PIGN: variants seen among roughly 807,000 people sequenced by gnomAD.
PIGN encodes the protein GPI ethanolamine phosphate transferase 1.
Under a neutral mutation model 125.4 loss-of-function variants are expected in PIGN, and 117 were observed. That is an observed-to-expected ratio of 0.93 (90% CI 0.80 to 1.09). The LOEUF (loss-of-function observed/expected upper bound fraction) is 1.09, where lower values mean the gene tolerates loss of function less well. Among genes scored for constraint, PIGN ranks in the 50% least tolerant of loss-of-function variants. The pLI, the probability that PIGN is intolerant of heterozygous loss-of-function variation, is 0.00. For missense variants in PIGN, 1,075 were observed against 1,094.9 expected (o/e 0.98, Z 0.26); for synonymous variants, 392 against 377.8 (o/e 1.04, Z -0.44).
intron 30 of PIGN, among the ~76,000 whole-genome samples, chr18:62,059,666 T>C (rs1449519786): frequency 6.6e-6 from 1 of 152,188 alleles, no homozygotes; most frequent in East Asian, 1.9e-4. Context: ...GAACAGATTG[T>C]GAACAGGTAG....
At chr18:62,023,964 A>C (rs750369823) in intron 23 of PIGN, among the ~76,000 whole-genome samples, 5 of 152,210 alleles carry the variant, frequency 3.3e-5, no homozygotes, top group Non-Finnish European at 5.9e-5. Context: ...TGTTGAGGGA[A>C]GGTGTTATTT....
rs767034636 is a variant in PIGN, at chr18:62,026,054, T to TA, written c.2143-8314dup. On this transcript the variant is annotated intron_variant, in intron 23 of 24. Transcript: ENST00000639600. ...TATTGGTGTCCCTCCTGAGCCTCCATAGCACCCGGGACACATTTATTTGTA... is the reference window on the plus strand; with the variant it reads ...TATTGGTGTCCCTCCTGAGCCTCCATAAGCACCCGGGACACATTTATTTGTA... 3.7e-4 allele frequency among the ~76,000 whole-genome samples: 56 copies of TA among 152,284 alleles called. No individual in the cohort carries two copies. In the Middle Eastern group the frequency reaches 0.014, roughly 37 times the overall value.
chr18:62,144,668 T>G (rs887362800), intron 10 of PIGN, among the ~76,000 whole-genome samples: 6 of 152,172 alleles, frequency 3.9e-5, no homozygotes, highest in African/African-American at 1.2e-4. Flanking sequence ...TGTATCCTGC[T>G]CCATAAGGGA....
At chr18:62,156,922 T>C (rs1303220201) in intron 6 of PIGN, among the ~76,000 whole-genome samples, 1 of 152,108 alleles carries the variant, frequency 6.6e-6, no homozygotes, top group African/African-American at 2.4e-5. Flanking sequence ...TCCAAAATAC[T>C]ATCTAACTGT....
chr18:62,182,304 C>G (rs941381811), intron 1 of PIGN, among the ~76,000 whole-genome samples: 8 of 146,204 alleles, frequency 5.5e-5, no homozygotes, highest in Non-Finnish European at 1.2e-4. Flanking sequence ...CTTTATAAAT[C>G]TACATGGACG....
intron 14 of PIGN, among the ~76,000 whole-genome samples, chr18:62,125,400 T>C (rs1488479992): frequency 6.6e-6 from 1 of 152,056 alleles, no homozygotes; most frequent in Non-Finnish European, 1.5e-5. Flanking sequence ...ACAGAACATT[T>C]AATGGTTGCA....
In PIGN at chr18:62,106,849, G is replaced by A. The variant is rs375845698; in HGVS notation, c.1707C>T (p.Thr569=). 1.8e-4 allele frequency: 297 copies of A among 1,609,362 alleles called. 1 individual carries two copies. The highest frequency in any genetic ancestry group is 3.3e-4 in the Middle Eastern group (2 of 6,060). Reference sequence around the variant, plus strand: ...AAGCTGCAAAGGCAGTAAGTCCAGCGGTAAGCATATAGCGGTAGAAAAAAC... The same window carrying A: ...AAGCTGCAAAGGCAGTAAGTCCAGCAGTAAGCATATAGCGGTAGAAAAAAC... ...VLSFFYRYML[T]AGLTAFAAWP... is the part of the protein sequence containing the mutation. Residue 569 remains threonine (T), a synonymous_variant, in exon 19 of 31, where the codon ACC becomes ACT. Transcript: ENST00000640252.
At chr18:62,137,244 G>C in intron 14 of PIGN, 1 of 406,528 alleles carries the variant, frequency 2.5e-6, no homozygotes, top group Admixed American at 4.4e-5. Context: ...TAGACTCTTG[G>C]ACTTACACCA....
downstream of PIGN, among the ~76,000 whole-genome samples, chr18:62,038,919 AAATAATAATAATAATAATAATAAT>A (rs10601031): frequency 6.9e-6 from 1 of 144,772 alleles, no homozygotes; most frequent in African/African-American, 2.6e-5. Context: ...CCCTGTCTCA[AAATAATAATAATAATAATAATAAT>A]AATAATAATA....
chr18:62,131,275 T>C (rs1180791962), intron 14 of PIGN, among the ~76,000 whole-genome samples: 1 of 152,144 alleles, frequency 6.6e-6, no homozygotes, highest in Non-Finnish European at 1.5e-5. Flanking sequence ...ACAAATATTT[T>C]TGCTTCTATT....
intron 16 of PIGN, 100 bp downstream of exon 16, chr18:62,113,034 G>C (rs1022736159): frequency 2.3e-5 from 19 of 842,842 alleles, no homozygotes; most frequent in Non-Finnish European, 3.1e-5. Context: ...ACAAGAGTTA[G>C]CTTAGAACAA....
At chr18:62,181,422 T>C (rs2037711653) in intron 1 of PIGN, among the ~76,000 whole-genome samples, 1 of 152,196 alleles carries the variant, frequency 6.6e-6, no homozygotes, top group South Asian at 2.1e-4. Context: ...TGTCATTACT[T>C]CATAAGAAAG....
intron 12 of PIGN, 32 bp from the exon 13 acceptor site, chr18:62,139,107 T>C (rs1459796148): frequency 1.5e-6 from 2 of 1,320,396 alleles, no homozygotes; most frequent in Admixed American, 1.8e-5. Context: ...TTATTGATAG[T>C]ATTCAGACAG....
intron 4 of PIGN, chr18:62,158,018 C>A (rs1466468911): frequency 4.2e-6 from 2 of 480,248 alleles, no homozygotes; most frequent in African/African-American, 3.9e-5. Context: ...TGATGTAAGA[C>A]CAAACAAAGA....
chr18:62,167,922 G>A lies in PIGN; in HGVS notation c.-235-4266C>T, dbSNP rs149002287. On this transcript the variant is annotated intron_variant, in intron 1 of 30. Transcript: ENST00000640252. Reference sequence around the variant, plus strand: ...ATTCTGATTAAGTTCAGCCAGGTGCGGTGGCTCACGCTTGCAATCCCAGCA... The same window carrying A: ...ATTCTGATTAAGTTCAGCCAGGTGCAGTGGCTCACGCTTGCAATCCCAGCA... Among the ~76,000 whole-genome samples, 119 of 152,026 alleles carry A rather than the reference G, an allele frequency of 7.8e-4. 1 individual carries two copies. Among genetic ancestry groups the A allele is most frequent in the African/African-American group, 2.7e-3 (114 of 41,482 alleles).
At chr18:62,073,951 A>G (rs2033033497) in intron 29 of PIGN, among the ~76,000 whole-genome samples, 1 of 152,210 alleles carries the variant, frequency 6.6e-6, no homozygotes, top group South Asian at 2.1e-4. Context: ...GCTTTGGGCC[A>G]TATTACCAGC....
intron 1 of PIGN, among the ~76,000 whole-genome samples, chr18:62,175,302 T>A (rs890575274): frequency 1.3e-5 from 2 of 151,756 alleles, no homozygotes; most frequent in African/African-American, 4.8e-5. Flanking sequence ...TCTAAAGTAA[T>A]TACATATTTT....
intron 14 of PIGN, chr18:62,136,940 C>T (rs1828821083): frequency 5.1e-6 from 2 of 393,482 alleles, no homozygotes; most frequent in African/African-American, 4.1e-5. Flanking sequence ...CAGCTCTCTT[C>T]TTTGCCTACT....
Position 62,157,670 on chromosome 18 carries a change from G to T in PIGN, c.343+17C>A, listed in dbSNP as rs778671915. 7.5e-6 allele frequency: 12 copies of T among 1,603,024 alleles called. No individual in the cohort carries two copies. The highest frequency in any genetic ancestry group is 1.0e-5 in the Non-Finnish European group (12 of 1,174,046). On this transcript the variant is annotated intron_variant, in intron 5 of 30. Coordinates refer to ENST00000640252, the MANE Select transcript of PIGN (RefSeq NM_176787.5). ...GACAAATTTTTCATTTCATAAGATT[G>T]TCCAAATAGACAATACCTTTGGCAA...
Sources: allele counts gnomAD v4.1 joint callset (sites outside exome capture counted in the v4.1 genomes callset), GRCh38; gene constraint gnomAD v4.1.1; transcripts MANE v1.5; gene names NCBI Gene and HGNC (gene_info 2026-07-23, HGNC 2026-07-21).